Variants in CACNA2D3 observed in about 807,000 individuals in gnomAD.
The protein encoded by CACNA2D3 is calcium voltage-gated channel auxiliary subunit alpha2delta 3, also known as voltage-dependent calcium channel subunit alpha-2/delta-3.
CACNA2D3 carries 60 observed loss-of-function variants against 160.6 expected under a neutral mutation model. The ratio of observed to expected loss-of-function variants is 0.37; its 90% confidence interval spans 0.30 to 0.46. CACNA2D3 has a LOEUF of 0.46. Among genes scored for constraint, CACNA2D3 ranks in the 20% least tolerant of loss-of-function variants. CACNA2D3 has a pLI of 1.00. For synonymous variants in CACNA2D3, 558 were observed against 492.9 expected, an observed-to-expected ratio of 1.13 and a Z score of -1.75; for missense variants, 1,205 against 1,365.0, an observed-to-expected ratio of 0.88 and a Z score of 1.85.
At chr3:54,878,868 C>T (rs556748487) in intron 18 of CACNA2D3, 150 bp from the exon 19 acceptor site, 4 of 524,324 alleles carry the variant, frequency 7.6e-6, no homozygotes, top group Admixed American at 3.9e-5. Context: ...TCCCATTGTA[C>T]ATGAGCAGTT....
At chr3:54,532,247 C>A (rs1485738205) in intron 5 of CACNA2D3, among the ~76,000 whole-genome samples, 2 of 152,192 alleles carry the variant, frequency 1.3e-5, no homozygotes, top group Non-Finnish European at 2.9e-5. Flanking sequence ...TAATCTGTAA[C>A]TTTAGCCCCA....
intron 3 of CACNA2D3, among the ~76,000 whole-genome samples, chr3:54,325,726 T>A (rs1363937337): frequency 6.6e-6 from 1 of 152,190 alleles, no homozygotes; most frequent in Non-Finnish European, 1.5e-5. Context: ...ATGAACTCTT[T>A]TGGGGAATGT....
intron 11 of CACNA2D3, among the ~76,000 whole-genome samples, chr3:54,746,093 C>T (rs1701748986): frequency 6.6e-6 from 1 of 152,172 alleles, no homozygotes; most frequent in Non-Finnish European, 1.5e-5. Flanking sequence ...TTAAAGCAGC[C>T]TGCTCAATAT....
At chr3:54,903,300 T>C (rs1700381458) in intron 27 of CACNA2D3, among the ~76,000 whole-genome samples, 1 of 152,338 alleles carries the variant, frequency 6.6e-6, no homozygotes, top group South Asian at 2.1e-4. Flanking sequence ...AGTGAGAACA[T>C]GCGGTATTTG....
chr3:54,940,430 G>T (rs901657174), intron 27 of CACNA2D3, among the ~76,000 whole-genome samples: 10 of 152,122 alleles, frequency 6.6e-5, no homozygotes, highest in African/African-American at 2.2e-4. Flanking sequence ...AAATTAAACT[G>T]TTCCTCACTG....
intron 2 of CACNA2D3, among the ~76,000 whole-genome samples, chr3:54,309,931 T>G (rs1703699339): frequency 6.6e-6 from 1 of 151,950 alleles, no homozygotes; most frequent in South Asian, 2.1e-4. Flanking sequence ...GCTTCCTCTC[T>G]GCTTGCAGTT....
intron 35 of CACNA2D3, 94 bp from the exon 36 acceptor site, chr3:55,073,351 A>T (rs1704860477): frequency 1.4e-6 from 1 of 724,976 alleles, no homozygotes; most frequent in Admixed American, 2.3e-5. Flanking sequence ...TTTACAAAAT[A>T]TGGTAGTTGC....
chr3:55,019,503 C>T (rs992799681), intron 35 of CACNA2D3, among the ~76,000 whole-genome samples: 2 of 152,174 alleles, frequency 1.3e-5, no homozygotes, highest in African/African-American at 2.4e-5. Flanking sequence ...TTTATACCTA[C>T]ACACCCCATA....
intron 11 of CACNA2D3, among the ~76,000 whole-genome samples, chr3:54,750,589 T>C (rs57924227): frequency 0.2 from 29,921 of 151,986 alleles, 3,196 homozygotes; most frequent in African/African-American, 0.24. Context: ...CTTAGAAGTC[T>C]TCTCTCATGA....
chr3:55,010,660 T>C (rs1703192599), intron 34 of CACNA2D3, among the ~76,000 whole-genome samples: 1 of 152,180 alleles, frequency 6.6e-6, no homozygotes, highest in Non-Finnish European at 1.5e-5. Context: ...TGTCTGTCTT[T>C]TAAAAAAGAG....
intron 27 of CACNA2D3, among the ~76,000 whole-genome samples, chr3:54,962,673 C>G (rs955609364): frequency 6.6e-6 from 1 of 152,182 alleles, no homozygotes; most frequent in Non-Finnish European, 1.5e-5. Flanking sequence ...GCAATCAGTT[C>G]TCGCAGCAAA....
At chr3:54,943,216 A>AC (rs1701522120) in intron 27 of CACNA2D3, among the ~76,000 whole-genome samples, 1 of 151,506 alleles carries the variant, frequency 6.6e-6, no homozygotes, top group African/African-American at 2.4e-5. Flanking sequence ...AAAAAAAAAA[A>AC]ATGAGAATAA....
At chr3:54,543,840 G>T (rs1164499794) in intron 5 of CACNA2D3, among the ~76,000 whole-genome samples, 1 of 152,208 alleles carries the variant, frequency 6.6e-6, no homozygotes, top group African/African-American at 2.4e-5. Flanking sequence ...ACCCCAAGAT[G>T]CCTCTGTGCA....
At chr3:55,066,839 T>C (rs1704651333) in intron 35 of CACNA2D3, among the ~76,000 whole-genome samples, 1 of 152,142 alleles carries the variant, frequency 6.6e-6, no homozygotes, top group African/African-American at 2.4e-5. Context: ...GGCATTTCCC[T>C]CCTCGCCTTT....
chr3:54,927,796 C>A, intron 27 of CACNA2D3: 1 of 1,205,464 alleles, frequency 8.3e-7, no homozygotes, highest in South Asian at 1.2e-5. Context: ...TCTGTCCAGT[C>A]TTTTAAGACA....
At chr3:54,271,407 G>A (rs1234816248) in intron 2 of CACNA2D3, among the ~76,000 whole-genome samples, 1 of 152,128 alleles carries the variant, frequency 6.6e-6, no homozygotes, top group Non-Finnish European at 1.5e-5. Flanking sequence ...TGGCACAGGA[G>A]ATGAAACCTG....
At chr3:54,467,581 C>T (rs1480658697) in intron 4 of CACNA2D3, among the ~76,000 whole-genome samples, 1 of 152,134 alleles carries the variant, frequency 6.6e-6, no homozygotes, top group Non-Finnish European at 1.5e-5. Context: ...TTTAGAGCAA[C>T]ATGGGTGAAT....
At chr3:54,321,784 G>T (rs1046406160) in intron 3 of CACNA2D3, among the ~76,000 whole-genome samples, 12 of 152,134 alleles carry the variant, frequency 7.9e-5, no homozygotes, top group Non-Finnish European at 1.8e-4. Context: ...CCAGAACACA[G>T]AAGACAGTTC....
intron 27 of CACNA2D3, among the ~76,000 whole-genome samples, chr3:54,922,462 C>A (rs1700880997): frequency 6.6e-6 from 1 of 151,986 alleles, no homozygotes; most frequent in Admixed American, 6.6e-5. Context: ...TATTTGTAAC[C>A]TCTTATAAGG....
Sources: allele counts gnomAD v4.1 joint callset (sites outside exome capture counted in the v4.1 genomes callset), GRCh38; gene constraint gnomAD v4.1.1; transcripts MANE v1.5; gene names NCBI Gene and HGNC (gene_info 2026-07-23, HGNC 2026-07-21).